LOC400499: variants seen among roughly 807,000 people sequenced by gnomAD.
the LOC400499 span, chr16:11,417,837 G>T: frequency 2.5e-6 from 1 of 398,852 alleles, no homozygotes. Context: ...TGTCCACAGA[G>T]ACCTGGAATG....
At chr16:11,494,676 C>G in the LOC400499 span, 7 of 399,316 alleles carry the variant, frequency 1.8e-5, no homozygotes, top group East Asian at 3.6e-5. Context: ...CCGCAGGGCC[C>G]GTCCAGAGAA....
chr16:11,524,820 T>G, the LOC400499 span, among the ~76,000 whole-genome samples: 1 of 146,862 alleles, frequency 6.8e-6, no homozygotes, highest in Non-Finnish European at 1.5e-5. Flanking sequence ...TGCCAGCCAC[T>G]TGCAGGATCT....
the LOC400499 span, among the ~76,000 whole-genome samples, chr16:11,430,472 A>G: frequency 6.6e-6 from 1 of 152,216 alleles, no homozygotes; most frequent in Non-Finnish European, 1.5e-5. Context: ...CCTGGGGGAC[A>G]AGAGCAAAAC....
the LOC400499 span, chr16:11,508,962 G>C: frequency 2.5e-6 from 1 of 397,260 alleles, no homozygotes; most frequent in Non-Finnish European, 4.4e-6. Flanking sequence ...CCTTCAGCAT[G>C]TTTCAGGCAA....
chr16:11,460,184 T>A, the LOC400499 span: 1 of 744,298 alleles, frequency 1.3e-6, no homozygotes, highest in South Asian at 5.0e-5. Context: ...GAAAGCACTA[T>A]TTTTTTTTAA....
chr16:11,464,052 G>T, the LOC400499 span, among the ~76,000 whole-genome samples: 1 of 152,192 alleles, frequency 6.6e-6, no homozygotes, highest in Non-Finnish European at 1.5e-5. Context: ...TATGGACTCT[G>T]TACAGACATG....
chr16:11,387,638 A>ATTTT, the LOC400499 span, among the ~76,000 whole-genome samples: 1 of 151,380 alleles, frequency 6.6e-6, no homozygotes, highest in Admixed American at 6.6e-5. Flanking sequence ...GGTCTAGGAA[A>ATTTT]TTTTGTTTTT....
chr16:11,484,165 G>T, the LOC400499 span, among the ~76,000 whole-genome samples: 1 of 151,764 alleles, frequency 6.6e-6, no homozygotes, highest in East Asian at 2.0e-4. Context: ...CCACCACCAC[G>T]CCTGGCTAAT....
chr16:11,485,811 G>T, the LOC400499 span, among the ~76,000 whole-genome samples: 2 of 152,228 alleles, frequency 1.3e-5, no homozygotes, highest in Admixed American at 6.5e-5. Flanking sequence ...TGACTGGTGA[G>T]TGGATGGATG....
At chr16:11,483,769 G>A in the LOC400499 span, among the ~76,000 whole-genome samples, 14 of 151,306 alleles carry the variant, frequency 9.3e-5, no homozygotes, top group Non-Finnish European at 1.2e-4. Flanking sequence ...CAGCTACTCC[G>A]GAAGCTGAGG....
chr16:11,398,467 T>C, the LOC400499 span: 1 of 1,232,154 alleles, frequency 8.1e-7, no homozygotes, highest in South Asian at 4.1e-5. Context: ...TGCTCCAGCG[T>C]GGCCTCCATG....
At chr16:11,491,099 C>G in the LOC400499 span, among the ~76,000 whole-genome samples, 7 of 152,124 alleles carry the variant, frequency 4.6e-5, no homozygotes, top group Non-Finnish European at 8.8e-5. Context: ...CCCTATTTTA[C>G]AGGTACAGAA....
chr16:11,462,329 G>A, the LOC400499 span: 5 of 1,450,250 alleles, frequency 3.4e-6, no homozygotes, highest in Admixed American at 7.6e-5. Context: ...TGTCACCTGG[G>A]AGGACAGGCT....
the LOC400499 span, chr16:11,424,196 G>A: frequency 1.0e-5 from 4 of 399,384 alleles, no homozygotes; most frequent in Non-Finnish European, 1.8e-5. Flanking sequence ...GGCTGGCATG[G>A]AGCTGGAGGC....
the LOC400499 span, among the ~76,000 whole-genome samples, chr16:11,429,220 T>C: frequency 0.16 from 24,003 of 152,110 alleles, 3,691 homozygotes; most frequent in African/African-American, 0.39. Flanking sequence ...CCCCTGGTAC[T>C]GTCCTTTCCA....
At chr16:11,485,151 G>T in the LOC400499 span, 1 of 398,382 alleles carries the variant, frequency 2.5e-6, no homozygotes, top group South Asian at 1.4e-4. Context: ...CTGGGGATAT[G>T]AATGGAGGAC....
the LOC400499 span, among the ~76,000 whole-genome samples, chr16:11,382,580 A>ATGAT: frequency 9.9e-5 from 15 of 151,990 alleles, no homozygotes; most frequent in East Asian, 2.3e-3. Context: ...TGCTGTGTTG[A>ATGAT]TGATTATTGT....
the LOC400499 span, among the ~76,000 whole-genome samples, chr16:11,511,289 G>A: frequency 6.6e-6 from 1 of 152,138 alleles, no homozygotes; most frequent in Admixed American, 6.5e-5. Flanking sequence ...GAGCCACTGT[G>A]CCCAGCTGAC....
chr16:11,380,803 T>C, the LOC400499 span: 64,213 of 151,986 alleles, frequency 0.42, 13,896 homozygotes, highest in Non-Finnish European at 0.48. Flanking sequence ...CCCAGATGTT[T>C]TGTTGATGGC....
Sources: gnomAD v4.1 joint callset for allele counts (sites outside exome capture counted in the v4.1 genomes callset) on GRCh38, gnomAD v4.1.1 for gene constraint, MANE v1.5 for transcripts.